The following SHROOM2 variants were observed in gnomAD, a reference collection of about 807,000 sequenced individuals.
SHROOM2 encodes shroom family member 2.
A neutral mutation model predicts 75.9 loss-of-function variants in SHROOM2; 33 were observed. The ratio of observed to expected loss-of-function variants is 0.43; its 90% CI spans 0.33 to 0.58. The LOEUF is 0.58. SHROOM2 is among the 20% of genes least tolerant of loss of function. SHROOM2 has a pLI of 0.04. For missense variants in SHROOM2, 1,434 were observed against 1,461.2 expected (o/e 0.98, Z 0.30); for synonymous variants, 655 against 663.6 (o/e 0.99, Z 0.20).
chrX:9,843,509 C>T (rs2083990402), intron 1 of SHROOM2, among the ~76,000 whole-genome samples: 2 of 110,585 alleles, frequency 1.8e-5, no homozygotes, highest in African/African-American at 6.6e-5. Context: ...AGGGATCCTC[C>T]AGCCTCAGCC....
chrX:9,932,542 G>T lies in SHROOM2; in HGVS notation c.3259G>T (p.Val1087Leu), dbSNP rs745337866. ...ATDGAPADAP[V>L]GVLGRPFPTP... ...AGACGGCGCACCTGCTGACGCCCCC[G>T]TGGGCGTCCTCGGCAGGCCCTTCCC... Residue 1087 changes from valine to leucine, a missense_variant, in exon 6 of 10, where the codon GTG (valine) becomes TTG (leucine). Physicochemically the swap from Val to Leu is conservative, Grantham distance 32. Coordinates refer to ENST00000380913, the MANE Select transcript of SHROOM2 (RefSeq NM_001649.4). 8.3e-7 allele frequency: 1 copy of T among 1,211,237 alleles called. No homozygotes were observed.
intron 1 of SHROOM2, chrX:9,818,502 A>G (rs145932085): frequency 0.012 from 3,192 of 267,392 alleles, 20 homozygotes; most frequent in Non-Finnish European, 0.016. Context: ...TCTACATCAT[A>G]CATCTCCTTC....
intron 1 of SHROOM2, among the ~76,000 whole-genome samples, chrX:9,791,234 T>C (rs1217564217): frequency 8.9e-6 from 1 of 111,789 alleles, no homozygotes; most frequent in African/African-American, 3.2e-5. Context: ...TTTCACCTTG[T>C]CCTAATGAGC....
chrX:9,932,318 C>T lies in SHROOM2; in HGVS notation c.3035C>T (p.Ala1012Val), dbSNP rs200564339. The part of the protein sequence containing the change: ...PELPREGRGR[A>V]GTLPRDYRYS... ...CTGCCCCGGGAGGGCCGGGGCCGAG[C>T]GGGAACCCTACCTCGAGATTATAGA... is the stretch of plus-strand genomic sequence containing the variant. The change falls in exon 6 of 10, where the codon GCG becomes GTG. Residue 1012 changes from alanine to valine, a missense_variant. Around this residue, in one of 3 missense-constraint regions of SHROOM2, gnomAD observed 1,340 missense variants for 1,338.3 expected, o/e 1.00. Coordinates refer to ENST00000380913, the MANE Select transcript of SHROOM2 (RefSeq NM_001649.4). The T allele has an allele frequency of 6.6e-6, 8 of 1,206,067 alleles. No homozygotes were observed. Among genetic ancestry groups the T allele is most frequent in the East Asian group, 3.0e-5 (1 of 33,616 alleles).
At chrX:9,899,889 C>T (rs1377050039) in intron 5 of SHROOM2, among the ~76,000 whole-genome samples, 1 of 112,267 alleles carries the variant, frequency 8.9e-6, no homozygotes, top group East Asian at 2.8e-4. Flanking sequence ...GCTCGATGGG[C>T]TCTGCACATG....
At chrX:9,887,204 G>A (rs1409248183) in intron 2 of SHROOM2, among the ~76,000 whole-genome samples, 1 of 112,554 alleles carries the variant, frequency 8.9e-6, no homozygotes, top group Non-Finnish European at 1.9e-5. Context: ...CTGTCTCCCC[G>A]ATGTAACTGA....
At position 9,949,225 on chromosome X, in the gene SHROOM2, G is replaced by A; in HGVS notation, c.*2288G>A. ...ATTATTCATAGAAAATCAATCTGGT[G>A]CTAATGGTTGGCCCTGGTGTTGTTG... On this transcript the variant is annotated 3_prime_UTR_variant, in exon 10 of 10. Transcript: ENST00000380913. 3.5e-6 allele frequency: 1 copy of A among 287,700 alleles called. No homozygotes were observed. The highest frequency in any genetic ancestry group is 6.7e-6 in the Non-Finnish European group (1 of 150,104). The allele number at this position is 287,700 out of a possible 1,213,427, so 23.7% of individuals were successfully genotyped here.
intron 5 of SHROOM2, among the ~76,000 whole-genome samples, chrX:9,900,205 T>G (rs947418159): frequency 4.7e-5 from 5 of 105,854 alleles, no homozygotes; most frequent in Non-Finnish European, 9.7e-5. Context: ...TTGGGTGCGG[T>G]TTTTTTTTTG....
At chrX:9,841,016 C>A (rs2091508672) in intron 1 of SHROOM2, among the ~76,000 whole-genome samples, 1 of 111,818 alleles carries the variant, frequency 8.9e-6, no homozygotes, top group South Asian at 3.7e-4. Flanking sequence ...AGTGCAATGG[C>A]GCGATCTTGG....
At chrX:9,858,254 A>G (rs2084083776) in intron 1 of SHROOM2, among the ~76,000 whole-genome samples, 1 of 111,614 alleles carries the variant, frequency 9.0e-6, no homozygotes, top group African/African-American at 3.3e-5. Context: ...GCACGGCGGC[A>G]GCATTAGATT....
At chrX:9,812,140 G>C (rs1318386915) in intron 1 of SHROOM2, among the ~76,000 whole-genome samples, 1 of 111,873 alleles carries the variant, frequency 8.9e-6, no homozygotes, top group Non-Finnish European at 1.9e-5. Context: ...AAGGAGAGTA[G>C]TTGTCTGCAG....
intron 3 of SHROOM2, among the ~76,000 whole-genome samples, 199 bp from the exon 4 acceptor site, chrX:9,894,159 C>T (rs1442984447): frequency 9.0e-6 from 1 of 111,055 alleles, no homozygotes; most frequent in Non-Finnish European, 1.9e-5. Context: ...GTCTTTTCAG[C>T]CTGTGCCCAG....
At chrX:9,911,993 A>G (rs1384151228) in intron 5 of SHROOM2, among the ~76,000 whole-genome samples, 3 of 108,904 alleles carry the variant, frequency 2.8e-5, no homozygotes, top group Non-Finnish European at 5.7e-5. Flanking sequence ...TAATCCCAGC[A>G]CTTTGGGAGG....
At chrX:9,866,084 AT>A (rs773543500) in intron 1 of SHROOM2, among the ~76,000 whole-genome samples, 6,888 of 78,694 alleles carry the variant, frequency 0.088, 595 homozygotes, top group African/African-American at 0.24. Context: ...GGGGCCAGGA[AT>A]TTTTTTTTTT....
intron 1 of SHROOM2, among the ~76,000 whole-genome samples, chrX:9,804,706 G>C (rs1306215925): frequency 1.8e-5 from 2 of 111,464 alleles, no homozygotes; most frequent in Non-Finnish European, 3.8e-5. Flanking sequence ...GACCTGGGTG[G>C]CTGTCCCCAG....
Position 9,895,969 on chromosome X carries a change from C to G in SHROOM2, c.2061C>G (p.Ala687=). The change falls in exon 4 of 10, where the codon GCC becomes GCG. Residue 687 remains alanine, a synonymous_variant. Transcript: ENST00000380913. The stretch of plus-strand genomic sequence containing the variant: ...CCTATAAAGACCACCTGAAAGAGGC[C>G]CAAGCCCGGGTCCTGAGGGCCACGT... ...AGTYKDHLKE[A]QARVLRATSF... is the part of the protein sequence containing the mutation. 1 of 1,199,541 alleles carries G rather than the reference C, an allele frequency of 8.3e-7. No homozygotes were observed. The highest frequency in any genetic ancestry group is 1.1e-6 in the Non-Finnish European group (1 of 889,656).
chrX:9,899,012 G>A (rs762646271), intron 5 of SHROOM2, among the ~76,000 whole-genome samples: 1 of 110,658 alleles, frequency 9.0e-6, no homozygotes, highest in Non-Finnish European at 1.9e-5. Context: ...GGGAGGCTGA[G>A]GCAGGTGAAT....
intron 5 of SHROOM2, among the ~76,000 whole-genome samples, chrX:9,914,591 C>G (rs1367570703): frequency 9.0e-6 from 1 of 110,951 alleles, no homozygotes. Flanking sequence ...TTGTAGACAT[C>G]CTTGGATGTC....
At chrX:9,868,206 ATTTATTTTTATTTTTATT>A (rs35950245) in intron 1 of SHROOM2, among the ~76,000 whole-genome samples, 1,139 of 101,397 alleles carry the variant, frequency 0.011, 24 homozygotes, top group African/African-American at 0.038. Context: ...ACACAACTTC[ATTTATTTTTATTTTTATT>A]TTTATTTTTA....
Sources: gnomAD v4.1 joint callset for allele counts (sites outside exome capture counted in the v4.1 genomes callset) on GRCh38, gnomAD v4.1.1 for gene constraint, gnomAD v4.1.1 regional missense constraint, MANE v1.5 for transcripts, NCBI Gene and HGNC (gene_info 2026-07-23, HGNC 2026-07-21) for gene names.